PPP6R1: variants seen among roughly 807,000 people sequenced by gnomAD.
PPP6R1 encodes the protein serine/threonine-protein phosphatase 6 regulatory subunit 1.
A neutral mutation model predicts 104.6 loss-of-function variants in PPP6R1; 39 were observed. That is an observed-to-expected ratio of 0.37 (90% CI 0.29 to 0.49). The LOEUF (loss-of-function observed/expected upper bound fraction) is 0.49, where lower values mean the gene tolerates loss of function less well. Among genes scored for constraint, PPP6R1 ranks in the 20% least tolerant of loss-of-function variants. The pLI, the probability that PPP6R1 is intolerant of heterozygous loss-of-function variation, is 0.98. For missense variants in PPP6R1, 1,181 were observed against 1,155.8 expected (o/e 1.02, Z -0.32); for synonymous variants, 549 against 479.0 (o/e 1.15, Z -1.91).
At chr19:55,252,430 G>C (rs1329947673) in intron 1 of PPP6R1, among the ~76,000 whole-genome samples, 5 of 113,416 alleles carry the variant, frequency 4.4e-5, no homozygotes, top group African/African-American at 1.0e-4. Flanking sequence ...ACAGAGTTTC[G>C]CTCTGTCACC....
chr19:55,235,549 C>T (rs1367301426), intron 17 of PPP6R1, among the ~76,000 whole-genome samples: 5 of 150,020 alleles, frequency 3.3e-5, no homozygotes, highest in African/African-American at 1.2e-4. Context: ...GACAGAGTCT[C>T]GCTCTGTCGC....
intron 17 of PPP6R1, among the ~76,000 whole-genome samples, chr19:55,235,074 A>C (rs377443354): frequency 6.6e-6 from 1 of 152,154 alleles, no homozygotes; most frequent in South Asian, 2.1e-4. Context: ...TAAAAAGTGA[A>C]AACAGCCTAA....
intron 1 of PPP6R1, among the ~76,000 whole-genome samples, chr19:55,248,126 G>A (rs2087525712): frequency 6.6e-6 from 1 of 152,234 alleles, no homozygotes; most frequent in Non-Finnish European, 1.5e-5. Context: ...CTGCTCCGCA[G>A]AGCCCTAGAA....
chr19:55,240,188 T>A, intron 11 of PPP6R1, 48 bp downstream of exon 11: 3 of 1,561,306 alleles, frequency 1.9e-6, no homozygotes, highest in Non-Finnish European at 1.7e-6. Flanking sequence ...CGGCCCCCCA[T>A]CCAGGCAGCC....
intron 17 of PPP6R1, among the ~76,000 whole-genome samples, chr19:55,234,289 G>A (rs1437017590): frequency 1.3e-5 from 2 of 152,184 alleles, no homozygotes; most frequent in African/African-American, 4.8e-5. Flanking sequence ...ACAGCAACCA[G>A]GCCAGTGTGG....
intron 6 of PPP6R1, 28 bp downstream of exon 6, chr19:55,242,348 C>G (rs544056480): frequency 9.9e-6 from 16 of 1,612,234 alleles, no homozygotes; most frequent in Middle Eastern, 3.3e-4. Context: ...TCAGCTCCCC[C>G]CAGCCTTAGC....
At chr19:55,244,377 T>C (rs1235459552) in intron 5 of PPP6R1, among the ~76,000 whole-genome samples, 1 of 152,134 alleles carries the variant, frequency 6.6e-6, no homozygotes, top group Non-Finnish European at 1.5e-5. Context: ...GAGAAACACA[T>C]GGACATGGGG....
Position 55,230,662 on chromosome 19 carries a change from G to C in PPP6R1, c.2593C>G (p.Pro865Ala), listed in dbSNP as rs746857169. 6.2e-7 allele frequency: 1 copy of C among 1,604,238 alleles called. No homozygotes were observed. Among genetic ancestry groups the C allele is most frequent in the Admixed American group, 1.7e-5 (1 of 58,534 alleles). ...TCCGGGGCAGAGCCATTGGGTATCG[G>C]AGGAGGCGTGAGGGCCTGGGCACTG... ...SQSAQALTPP[P>A]IPNGSAPEGP... is the part of the protein sequence containing the mutation. The change falls in exon 23 of 24, where the codon CCG (proline) becomes GCG (alanine). Residue 865 changes from proline (P) to alanine (A), a missense_variant. Around this residue, in one of 2 missense-constraint regions of PPP6R1, gnomAD observed 1,042 missense variants for 955.6 expected, o/e 1.09. Coordinates refer to ENST00000412770, the MANE Select transcript of PPP6R1 (RefSeq NM_014931.4).
chr19:55,231,121 G>A (rs1196586155), intron 21 of PPP6R1, among the ~76,000 whole-genome samples: 1 of 152,126 alleles, frequency 6.6e-6, no homozygotes, highest in Non-Finnish European at 1.5e-5. Flanking sequence ...CTCGAGGCCG[G>A]CTGAGACAGC....
In PPP6R1 at chr19:55,230,560, G is replaced by A. The variant is rs376310507; in HGVS notation, c.2643-29C>T. Reference sequence around the variant, plus strand: ...GAAACAGAGGGAGATGTCGTGTGAGGGTCTAGCAGGCCCAGCCCCACCTAC... The same window carrying A: ...GAAACAGAGGGAGATGTCGTGTGAGAGTCTAGCAGGCCCAGCCCCACCTAC... On this transcript the variant is annotated intron_variant, in intron 23 of 23. Transcript: ENST00000412770. 166 of 1,613,580 alleles carry A rather than the reference G, an allele frequency of 1.0e-4. 2 individuals are homozygous for A. The South Asian group carries it at 1.7e-3, about 17-fold the overall frequency.
chr19:55,257,554 C>T (rs889392020), intron 1 of PPP6R1, among the ~76,000 whole-genome samples: 1 of 152,140 alleles, frequency 6.6e-6, no homozygotes, highest in Admixed American at 6.5e-5. Flanking sequence ...CTTGACATAT[C>T]TGCACGTGCT....
In PPP6R1 at chr19:55,242,447, G is replaced by A; in HGVS notation, c.660C>T (p.Arg220=). The part of the protein sequence containing the change: ...NASQSLCDII[R]LSREQMIQVQ... ...CTTGGATCATCTGCTCCCGGCTCAGGCGGATGATGTCACACAGGGACTGGG... is the reference window on the plus strand; with the variant it reads ...CTTGGATCATCTGCTCCCGGCTCAGACGGATGATGTCACACAGGGACTGGG... The change falls in exon 6 of 24, where the codon CGC becomes CGT. Residue 220 remains arginine (R), a synonymous_variant. Transcript: ENST00000412770. The A allele has an allele frequency of 6.2e-7, 1 of 1,614,018 alleles. No individual in the cohort carries two copies. The highest frequency in any genetic ancestry group is 8.5e-7 in the Non-Finnish European group (1 of 1,179,872).
chr19:55,235,375 G>T (rs893745912), intron 17 of PPP6R1, among the ~76,000 whole-genome samples: 6 of 152,120 alleles, frequency 3.9e-5, no homozygotes, highest in Non-Finnish European at 7.4e-5. Flanking sequence ...ACGAGGAAGT[G>T]AAGTGAAGGG....
intron 21 of PPP6R1, 23 bp downstream of exon 21, chr19:55,231,384 CTAG>C: frequency 6.4e-7 from 1 of 1,563,920 alleles, no homozygotes; most frequent in Non-Finnish European, 8.7e-7. Context: ...TCTCCCGATA[CTAG>C]GCAGCCCCAC....
rs1568942723 is a variant in PPP6R1, at chr19:55,231,859, TGGGGCACACTGAGGGGCCCCTGTG to T, written c.2225_2248del (p.Pro742_Pro749del). On this transcript the variant is annotated inframe_deletion, in exon 19 of 24. Coordinates refer to ENST00000412770, the MANE Select transcript of PPP6R1 (RefSeq NM_014931.4). The stretch of plus-strand genomic sequence containing the variant: ...GGCCAGGCTCTGAGTGGGGAGGCCC[TGGGGCACACTGAGGGGCCCCTGTG>T]GGGCTGGAGGCCCAGTGTGCAGCTC... 3 of 1,504,594 alleles carry T rather than the reference TGGGGCACACTGAGGGGCCCCTGTG, an allele frequency of 2.0e-6. No individual in the cohort carries two copies. In the East Asian group the frequency reaches 7.0e-5, roughly 35 times the overall value. 93.2% of individuals were successfully genotyped at this position (1,504,594 alleles called of 1,614,324 possible). A position where few individuals can be genotyped will look rare whatever the true frequency, so the allele number is the denominator to read the frequency against.
chr19:55,238,418 G>A (rs770934743), intron 15 of PPP6R1, among the ~76,000 whole-genome samples: 12 of 152,150 alleles, frequency 7.9e-5, no homozygotes, highest in Non-Finnish European at 1.6e-4. Flanking sequence ...GGGACCCCGG[G>A]GCAGCCATGG....
rs530489385 is a variant in PPP6R1 at position 55,254,897 on chromosome 19, AT to A, written c.-7+3537del. Among the ~76,000 whole-genome samples the A allele has an allele frequency of 7.9e-5, 12 of 152,332 alleles. No homozygotes were observed. The South Asian group carries it at 2.5e-3, about 32-fold the overall frequency. On this transcript the variant is annotated intron_variant, in intron 1 of 23. Transcript: ENST00000412770. ...CAATTCCAGGGATGCAGTGACAGTA[AT>A]GGCAACCCCACCACCTCTGGGCAGG...
intron 15 of PPP6R1, among the ~76,000 whole-genome samples, chr19:55,238,428 G>A (rs2087418777): frequency 1.3e-5 from 2 of 152,170 alleles, no homozygotes; most frequent in African/African-American, 4.8e-5. Context: ...GGCAGCCATG[G>A]GCAGCCATCC....
At chr19:55,228,741 T>C (rs148616350), downstream of PPP6R1, 168 of 1,612,962 alleles carry the variant, frequency 1.0e-4, no homozygotes, top group African/African-American at 1.8e-3. Flanking sequence ...CCAGCGTCCA[T>C]GCTGGCCTGA....
Sources: gnomAD v4.1 joint callset for allele counts (sites outside exome capture counted in the v4.1 genomes callset) on GRCh38, gnomAD v4.1.1 for gene constraint, gnomAD v4.1.1 regional missense constraint, MANE v1.5 for transcripts, NCBI Gene and HGNC (gene_info 2026-07-23, HGNC 2026-07-21) for gene names.